ABLIM2: variants seen among roughly 807,000 people sequenced by gnomAD.
ABLIM2 encodes actin binding LIM protein family member 2.
ABLIM2 carries 53 observed loss-of-function variants against 97.7 expected under a neutral mutation model. The ratio of observed to expected loss-of-function variants is 0.54; its 90% CI spans 0.44 to 0.68. The LOEUF (loss-of-function observed/expected upper bound fraction) is 0.68, where lower values mean the gene tolerates loss of function less well. Ranked by LOEUF, ABLIM2 falls within the 30% of genes least tolerant of loss-of-function variation. ABLIM2 has a pLI of 0.00. For synonymous variants in ABLIM2, 361 were observed against 345.8 expected (o/e 1.04, Z -0.49); for missense variants, 835 against 867.2 (o/e 0.96, Z 0.47).
chr4:8,035,055 TAGGTGGGTGC>T (rs1467745239), intron 10 of ABLIM2, among the ~76,000 whole-genome samples: 2 of 72,960 alleles, frequency 2.7e-5, no homozygotes, highest in Admixed American at 3.1e-4. Context: ...GGGTGGTAGG[TAGGTGGGTGC>T]AGGTGAGTGG....
intron 9 of ABLIM2, among the ~76,000 whole-genome samples, chr4:8,038,150 TCTG>T (rs983799151): frequency 3.3e-5 from 5 of 152,052 alleles, no homozygotes; most frequent in African/African-American, 1.2e-4. Context: ...CCCTCCATCA[TCTG>T]CTCGCAAAAC....
chr4:8,020,142 C>T, intron 13 of ABLIM2, 60 bp downstream of exon 13: 1 of 1,502,694 alleles, frequency 6.7e-7, no homozygotes, highest in Non-Finnish European at 9.1e-7. Flanking sequence ...TTGGGTGTGG[C>T]CAGTTTCGGT....
intron 11 of ABLIM2, 69 bp downstream of exon 11, chr4:8,029,585 CTA>C (rs1779555001): frequency 5.5e-6 from 5 of 909,822 alleles, no homozygotes; most frequent in Admixed American, 6.0e-5. Context: ...AAAAAAAAAA[CTA>C]AAAAAAAAAA....
Position 8,113,498 on chromosome 4 carries a change from T to C in ABLIM2, c.11-6861A>G, listed in dbSNP as rs1427464811. The stretch of plus-strand genomic sequence containing the variant: ...GAACTTTGGACCTCTGAGCATGTAT[T>C]CCTGGTTTGGCCAAAGACCAGCAGC... On this transcript the variant is annotated intron_variant, in intron 1 of 20. Coordinates refer to ENST00000447017, the MANE Select transcript of ABLIM2 (RefSeq NM_001130083.2). The surrounding 1 kb of genome is among the most constrained non-coding windows in gnomAD (Gnocchi z 4.5). 6.6e-6 allele frequency among the ~76,000 whole-genome samples: 1 copy of C among 152,212 alleles called. No individual in the cohort carries two copies. Among genetic ancestry groups the C allele is most frequent in the African/African-American group, 2.4e-5 (1 of 41,460 alleles).
At position 8,115,144 on chromosome 4, in the gene ABLIM2, CT is replaced by C. The variant is rs773631695; in HGVS notation, c.11-8508del. On this transcript the variant is annotated intron_variant, in intron 1 of 20. Coordinates refer to ENST00000447017, the MANE Select transcript of ABLIM2 (RefSeq NM_001130083.2). ...TGTGTGCAGATGTGTGCAGATGAAACTGATTATGGGAAAATACCTCAGGCTC... is the reference window on the plus strand; with the variant it reads ...TGTGTGCAGATGTGTGCAGATGAAACGATTATGGGAAAATACCTCAGGCTC... Among the ~76,000 whole-genome samples the C allele has an allele frequency of 6.8e-4, 103 of 152,304 alleles. 1 individual carries two copies. Among genetic ancestry groups the C allele is most frequent in the Non-Finnish European group, 1.4e-3 (94 of 68,026 alleles).
At chr4:8,154,375 T>C (rs906501944) in intron 1 of ABLIM2, among the ~76,000 whole-genome samples, 3 of 146,530 alleles carry the variant, frequency 2.0e-5, no homozygotes, top group Non-Finnish European at 3.0e-5. Flanking sequence ...TCTGACTCCC[T>C]GGTTCAAGCG....
intron 7 of ABLIM2, among the ~76,000 whole-genome samples, chr4:8,059,937 A>AAC (rs1801887671): frequency 7.4e-6 from 1 of 134,440 alleles, no homozygotes; most frequent in East Asian, 2.5e-4. Context: ...ACCCCAAAAA[A>AAC]CCCCAAAGCT....
chr4:8,007,183 T>C, intron 16 of ABLIM2: 1 of 985,386 alleles, frequency 1.0e-6, no homozygotes, highest in Non-Finnish European at 1.2e-6. Context: ...AGAAACAGTT[T>C]CTGTTTACTG....
rs1474006562 is a variant in ABLIM2 at position 7,992,637 on chromosome 4, G to A, written c.1680+229C>T. On this transcript the variant is annotated intron_variant, in intron 17 of 20. Transcript: ENST00000447017. The surrounding 1 kb of genome is among the most constrained non-coding windows in gnomAD (Gnocchi z 5.7). ...CACACTGAGCTCTCCCTGGGGTCGG[G>A]GGCAGGGAGGCAGAGTGGGGAGGGT... 6.6e-6 allele frequency among the ~76,000 whole-genome samples: 1 copy of A among 152,130 alleles called. No homozygotes were observed. The highest frequency in any genetic ancestry group is 1.5e-5 in the Non-Finnish European group (1 of 67,996).
In ABLIM2 at chr4:8,123,207, G is replaced by C. The variant is rs1426366783; in HGVS notation, c.11-16570C>G. ...CCCTGGCAGCTGGTGCCCCTTACTT[G>C]GGGTCTCTAATCCCTGCCTGGCCCT... is the stretch of plus-strand genomic sequence containing the variant. On this transcript the variant is annotated intron_variant, in intron 1 of 20. Transcript: ENST00000447017. The surrounding 1 kb of genome is among the most constrained non-coding windows in gnomAD (Gnocchi z 6.2). 6.6e-6 allele frequency among the ~76,000 whole-genome samples: 1 copy of C among 152,170 alleles called. No individual in the cohort carries two copies. Among genetic ancestry groups the C allele is most frequent in the Non-Finnish European group, 1.5e-5 (1 of 68,032 alleles).
Position 8,072,181 on chromosome 4 carries a change from G to A in ABLIM2, c.675+5447C>T, listed in dbSNP as rs1162470522. 1.3e-5 allele frequency among the ~76,000 whole-genome samples: 2 copies of A among 152,230 alleles called. No homozygotes were observed. Among genetic ancestry groups the A allele is most frequent in the African/African-American group, 4.8e-5 (2 of 41,464 alleles). ...GAGGAGGAGGAAAAAACCCAGACCTGTTTTGCTCCTGTTCCTCGAATTAGG... is the reference window on the plus strand; with the variant it reads ...GAGGAGGAGGAAAAAACCCAGACCTATTTTGCTCCTGTTCCTCGAATTAGG... On this transcript the variant is annotated intron_variant, in intron 6 of 20. Coordinates refer to ENST00000447017, the MANE Select transcript of ABLIM2 (RefSeq NM_001130083.2). This position sits in a 1 kb window ranked among gnomAD's most constrained non-coding sequence, Gnocchi z 5.8.
chr4:8,048,759 A>G (rs1455750086), intron 8 of ABLIM2, among the ~76,000 whole-genome samples: 1 of 152,040 alleles, frequency 6.6e-6, no homozygotes, highest in African/African-American at 2.4e-5. Flanking sequence ...ACTTTTCCAA[A>G]GGAGACCCAC....
intron 20 of ABLIM2, among the ~76,000 whole-genome samples, chr4:7,982,649 G>A (rs1399167221): frequency 6.6e-6 from 1 of 152,104 alleles, no homozygotes; most frequent in Non-Finnish European, 1.5e-5. Context: ...GTGGGAAGCT[G>A]GGGCAGTTTA....
At position 8,093,904 on chromosome 4, in the gene ABLIM2, G is replaced by A. The variant is rs1438785983; in HGVS notation, c.338+3195C>T. Among the ~76,000 whole-genome samples the A allele has an allele frequency of 2.0e-5, 3 of 152,122 alleles. No individual in the cohort carries two copies. The East Asian group carries it at 5.8e-4, about 29-fold the overall frequency. ...TTTGTTTATAGTTTTCACCAAATTT[G>A]CAAAATGTTCAGCAATTACTTCCTT... On this transcript the variant is annotated intron_variant, in intron 3 of 20. Transcript: ENST00000447017.
intron 5 of ABLIM2, among the ~76,000 whole-genome samples, chr4:8,079,282 T>C (rs1818224485): frequency 6.6e-6 from 1 of 152,204 alleles, no homozygotes; most frequent in Admixed American, 6.5e-5. Flanking sequence ...AAGTTAAAGA[T>C]AACATCTCCA....
At position 8,058,445 on chromosome 4, in the gene ABLIM2, GC is replaced by G. The variant is rs1477355349; in HGVS notation, c.763+2521del. The stretch of plus-strand genomic sequence containing the variant: ...TCAACAGCCCGCAGGCACCTGCACG[GC>G]AGACGCTCTGACAGCAGCTCTCCCA... On this transcript the variant is annotated intron_variant, in intron 7 of 20. Coordinates refer to ENST00000447017, the MANE Select transcript of ABLIM2 (RefSeq NM_001130083.2). This position sits in a 1 kb window ranked among gnomAD's most constrained non-coding sequence, Gnocchi z 4.2. Among the ~76,000 whole-genome samples, 5 of 152,240 alleles carry G rather than the reference GC, an allele frequency of 3.3e-5. No individual in the cohort carries two copies. The highest frequency in any genetic ancestry group is 3.2e-3 in the Middle Eastern group (1 of 316).
chr4:8,053,439 G>A (rs1412450648), intron 8 of ABLIM2, among the ~76,000 whole-genome samples: 1 of 152,202 alleles, frequency 6.6e-6, no homozygotes, highest in Non-Finnish European at 1.5e-5. Context: ...TGTCACGGGT[G>A]CACATCCTTA....
intron 8 of ABLIM2, among the ~76,000 whole-genome samples, chr4:8,050,635 G>C (rs1795390141): frequency 6.6e-6 from 1 of 152,316 alleles, no homozygotes; most frequent in South Asian, 2.1e-4. Context: ...GGCCAGGTCT[G>C]CCTGCCTTCT....
intron 3 of ABLIM2, among the ~76,000 whole-genome samples, chr4:8,089,210 G>C (rs952590031): frequency 2.0e-5 from 3 of 152,202 alleles, no homozygotes; most frequent in Admixed American, 2.0e-4. Context: ...GATGTCTTTG[G>C]AAACTGAGGG....
Sources: allele counts gnomAD v4.1 joint callset (sites outside exome capture counted in the v4.1 genomes callset), GRCh38; gene constraint gnomAD v4.1.1; non-coding constraint Gnocchi (gnomAD v3.1); transcripts MANE v1.5; gene names NCBI Gene and HGNC (gene_info 2026-07-23, HGNC 2026-07-21).